CEP85L: variants seen among roughly 807,000 people sequenced by gnomAD.
CEP85L encodes centrosomal protein of 85 kDa-like.
In CEP85L, 60 loss-of-function variants were observed where a neutral mutation model predicts 100.3. The observed-to-expected ratio is 0.60, with a 90% confidence interval of 0.49 to 0.74. CEP85L has a LOEUF of 0.74. Ranked by LOEUF, CEP85L falls within the 30% of genes least tolerant of loss-of-function variation. The probability of loss-of-function intolerance (pLI) is 0.00; values close to 1 mark genes in which losing one functional copy is unlikely to be tolerated. For synonymous variants in CEP85L, 319 were observed against 322.7 expected (o/e 0.99, Z 0.12); for missense variants, 973 against 936.2 (o/e 1.04, Z -0.51).
intron 4 of CEP85L, among the ~76,000 whole-genome samples, chr6:118,519,000 T>C (rs1333980058): frequency 6.6e-6 from 1 of 152,222 alleles, no homozygotes; most frequent in African/African-American, 2.4e-5. Flanking sequence ...CCAGTAGTCA[T>C]TCAGGAGCAG....
chr6:118,644,474 T>G (rs1306102840), intron 1 of CEP85L, among the ~76,000 whole-genome samples: 5 of 141,572 alleles, frequency 3.5e-5, no homozygotes, highest in African/African-American at 1.2e-4. Context: ...AGCTCCAGCA[T>G]TTATACCCAA....
intron 2 of CEP85L, among the ~76,000 whole-genome samples, chr6:118,616,137 GAT>G (rs1773027935): frequency 6.6e-6 from 1 of 152,036 alleles, no homozygotes; most frequent in Non-Finnish European, 1.5e-5. Flanking sequence ...ATATCTTCAA[GAT>G]GTAGAACCAG....
At chr6:118,665,319 G>A (rs1776099404) in intron 1 of CEP85L, among the ~76,000 whole-genome samples, 1 of 152,052 alleles carries the variant, frequency 6.6e-6, no homozygotes, top group African/African-American at 2.4e-5. Context: ...ACTTGTGCTA[G>A]AAGTTTACAA....
intron 2 of CEP85L, among the ~76,000 whole-genome samples, chr6:118,567,755 A>C (rs1442381499): frequency 2.6e-5 from 4 of 152,218 alleles, no homozygotes; most frequent in Non-Finnish European, 1.5e-5. Flanking sequence ...AGTTGTAAGA[A>C]AATTCAGATT....
chr6:118,648,181 G>C (rs1775323628), intron 1 of CEP85L, among the ~76,000 whole-genome samples: 1 of 152,204 alleles, frequency 6.6e-6, no homozygotes, highest in Non-Finnish European at 1.5e-5. Context: ...TTGGAACCGG[G>C]AGGCGGAAGT....
At chr6:118,507,182 C>A (rs1195369825) in intron 5 of CEP85L, among the ~76,000 whole-genome samples, 1 of 152,154 alleles carries the variant, frequency 6.6e-6, no homozygotes, top group Non-Finnish European at 1.5e-5. Flanking sequence ...TAAACAGATC[C>A]TTAACATAGT....
rs1412539859 is a variant in CEP85L at position 118,462,302 on chromosome 6, G to GT, written c.*3102dup. 2 of 151,924 alleles carry GT rather than the reference G, an allele frequency of 1.3e-5. No homozygotes were observed. Among genetic ancestry groups the GT allele is most frequent in the Non-Finnish European group, 2.9e-5 (2 of 67,868 alleles). 9.4% of individuals were successfully genotyped at this position (151,924 alleles called of 1,614,324 possible). A position where few individuals can be genotyped will look rare whatever the true frequency, so the allele number is the denominator to read the frequency against. The stretch of plus-strand genomic sequence containing the variant: ...ATATCTTACCTAGCCAGTATTTGTG[G>GT]TTTTTTGTTTTTGTTTAATTAGAGG... On this transcript the variant is annotated 3_prime_UTR_variant, in exon 13 of 13. Coordinates refer to ENST00000368491, the MANE Select transcript of CEP85L (RefSeq NM_001042475.3).
In CEP85L at chr6:118,549,274, G is replaced by A. The variant is rs144563292; in HGVS notation, c.1020+16255C>T. ...CCAGTGGTACTCCATTTCCTCTCTCGGATTTAGAAAGAAAGGAAAAAATAA... is the reference window on the plus strand; with the variant it reads ...CCAGTGGTACTCCATTTCCTCTCTCAGATTTAGAAAGAAAGGAAAAAATAA... On this transcript the variant is annotated intron_variant, in intron 3 of 12. Transcript: ENST00000368491. 2.0e-4 allele frequency among the ~76,000 whole-genome samples: 30 copies of A among 151,572 alleles called. 1 individual carries two copies. The highest frequency in any genetic ancestry group is 4.0e-4 in the Non-Finnish European group (27 of 67,718).
At chr6:118,537,901 T>C (rs1342504981) in intron 3 of CEP85L, 1 of 985,096 alleles carries the variant, frequency 1.0e-6, no homozygotes, top group Non-Finnish European at 1.2e-6. Flanking sequence ...ATAGTCTATC[T>C]GAAGAGATAC....
chr6:118,480,556 G>T, intron 8 of CEP85L, 43 bp from the exon 9 acceptor site: 1 of 1,224,782 alleles, frequency 8.2e-7, no homozygotes, highest in African/African-American at 1.5e-5. Context: ...AGCTCTATTT[G>T]CTGATTTTGG....
intron 2 of CEP85L, among the ~76,000 whole-genome samples, chr6:118,596,175 C>CA (rs984199274): frequency 3.3e-5 from 5 of 151,786 alleles, no homozygotes; most frequent in African/African-American, 1.2e-4. Flanking sequence ...TGGATGACCC[C>CA]AAAAAATTAT....
chr6:118,661,479 A>G (rs1369764273), intron 1 of CEP85L, among the ~76,000 whole-genome samples: 1 of 152,070 alleles, frequency 6.6e-6, no homozygotes, highest in Admixed American at 6.5e-5. Flanking sequence ...ACATTTTTAT[A>G]AATAATAAAA....
At chr6:118,502,781 C>T in intron 5 of CEP85L, 3 of 605,958 alleles carry the variant, frequency 5.0e-6, no homozygotes, top group Non-Finnish European at 9.3e-6. Context: ...ACTTGTACAA[C>T]AAGTAACTCC....
chr6:118,624,537 A>G (rs1382001555), intron 2 of CEP85L, among the ~76,000 whole-genome samples: 1 of 152,088 alleles, frequency 6.6e-6, no homozygotes, highest in Non-Finnish European at 1.5e-5. Context: ...TTGCTTCTCT[A>G]GTGCATACTC....
intron 1 of CEP85L, among the ~76,000 whole-genome samples, chr6:118,693,283 G>A (rs1777105289): frequency 6.6e-6 from 1 of 152,130 alleles, no homozygotes; most frequent in Non-Finnish European, 1.5e-5. Context: ...TTTTCATTGA[G>A]TCAATTATTA....
At chr6:118,517,868 G>C (rs1474790532) in intron 4 of CEP85L, among the ~76,000 whole-genome samples, 1 of 152,128 alleles carries the variant, frequency 6.6e-6, no homozygotes, top group South Asian at 2.1e-4. Flanking sequence ...TATTGGCGGT[G>C]GGTTTGTCAT....
At chr6:118,491,029 T>C (rs1324675712) in intron 6 of CEP85L, among the ~76,000 whole-genome samples, 1 of 152,182 alleles carries the variant, frequency 6.6e-6, no homozygotes, top group Non-Finnish European at 1.5e-5. Context: ...TCTATTCCTC[T>C]GGACAGACAC....
At chr6:118,665,570 G>C (rs1386216542) in intron 1 of CEP85L, among the ~76,000 whole-genome samples, 1 of 151,810 alleles carries the variant, frequency 6.6e-6, no homozygotes, top group East Asian at 1.9e-4. Context: ...CGTTGCCCAC[G>C]CTGGTCTCAA....
chr6:118,575,072 A>T (rs1282809805), intron 2 of CEP85L, among the ~76,000 whole-genome samples: 2 of 152,104 alleles, frequency 1.3e-5, no homozygotes, highest in Non-Finnish European at 2.9e-5. Flanking sequence ...ACTCGAGTTG[A>T]GCCGTAGAGA....
Sources: gnomAD v4.1 joint callset for allele counts (sites outside exome capture counted in the v4.1 genomes callset) on GRCh38, gnomAD v4.1.1 for gene constraint, MANE v1.5 for transcripts, NCBI Gene and HGNC (gene_info 2026-07-23, HGNC 2026-07-21) for gene names.